The following CDH12 variants were observed in gnomAD, a reference collection of about 807,000 sequenced individuals.
CDH12 encodes the protein cadherin 12, also known as cadherin-12.
CDH12 carries 41 observed loss-of-function variants against 74.1 expected under a neutral mutation model. That is an observed-to-expected ratio of 0.55 (90% CI 0.43 to 0.72). The LOEUF (loss-of-function observed/expected upper bound fraction) is 0.72, where lower values mean the gene tolerates loss of function less well. CDH12 is among the 30% of genes least tolerant of loss of function. The pLI is 0.00. For synonymous variants in CDH12, 399 were observed against 355.0 expected (o/e 1.12, Z -1.39); for missense variants, 945 against 977.2 (o/e 0.97, Z 0.44).
At chr5:22,361,264 C>T (rs1463959271) in intron 3 of CDH12, among the ~76,000 whole-genome samples, 7 of 152,136 alleles carry the variant, frequency 4.6e-5, no homozygotes, top group Non-Finnish European at 7.3e-5. Context: ...GCAAAAATCA[C>T]AAGCATTCTT....
chr5:22,719,981 T>C (rs1373987594), intron 1 of CDH12, among the ~76,000 whole-genome samples: 1 of 151,996 alleles, frequency 6.6e-6, no homozygotes, highest in Non-Finnish European at 1.5e-5. Flanking sequence ...ATGCAATATG[T>C]GTTTGTCTTT....
chr5:22,570,842 T>C (rs1739507236), intron 1 of CDH12, among the ~76,000 whole-genome samples: 2 of 152,178 alleles, frequency 1.3e-5, no homozygotes, highest in African/African-American at 4.8e-5. Flanking sequence ...TATAAGACTG[T>C]TTCATCTACC....
intron 1 of CDH12, among the ~76,000 whole-genome samples, chr5:22,529,180 TATATATATAGAGAGAGAGAGAG>T (rs1413889383): frequency 1.3e-4 from 11 of 86,468 alleles, no homozygotes; most frequent in African/African-American, 3.3e-4. Flanking sequence ...TATATATATA[TATATATATAGAGAGAGAGAGAG>T]AGAGAGAGAG....
chr5:22,391,667 C>G (rs1022253325), intron 3 of CDH12, among the ~76,000 whole-genome samples: 1 of 151,668 alleles, frequency 6.6e-6, no homozygotes, highest in African/African-American at 2.4e-5. Context: ...TTTTTTATGA[C>G]TGATAAAATT....
intron 4 of CDH12, among the ~76,000 whole-genome samples, chr5:22,133,228 T>A (rs1171804880): frequency 6.6e-6 from 1 of 152,166 alleles, no homozygotes; most frequent in Non-Finnish European, 1.5e-5. Context: ...TAGTATCTTA[T>A]AACTAGAAGG....
At chr5:22,317,434 A>G (rs1182796864) in intron 3 of CDH12, among the ~76,000 whole-genome samples, 3 of 152,204 alleles carry the variant, frequency 2.0e-5, no homozygotes, top group Non-Finnish European at 4.4e-5. Flanking sequence ...ACACTCATAT[A>G]TATACATATA....
intron 1 of CDH12, among the ~76,000 whole-genome samples, chr5:22,846,698 C>A (rs1166026752): frequency 1.3e-5 from 2 of 152,104 alleles, no homozygotes; most frequent in Non-Finnish European, 2.9e-5. Flanking sequence ...CAGGTCTGTG[C>A]TTTTGTGATG....
intron 1 of CDH12, among the ~76,000 whole-genome samples, chr5:22,644,676 T>C (rs938271398): frequency 4.0e-5 from 6 of 151,686 alleles, no homozygotes; most frequent in African/African-American, 7.3e-5. Context: ...AGATGACAGA[T>C]TTTCAATGTA....
chr5:22,447,788 A>G (rs575183898), intron 2 of CDH12, among the ~76,000 whole-genome samples: 1 of 152,106 alleles, frequency 6.6e-6, no homozygotes, highest in Admixed American at 6.6e-5. Flanking sequence ...CAACCACAAC[A>G]TATCTGGAAA....
intron 3 of CDH12, among the ~76,000 whole-genome samples, chr5:22,332,150 G>T (rs941930183): frequency 1.3e-5 from 2 of 152,026 alleles, no homozygotes; most frequent in African/African-American, 2.4e-5. Context: ...CAATATCAAA[G>T]CACAAAAAGG....
At chr5:22,578,018 A>G (rs1164494392) in intron 1 of CDH12, among the ~76,000 whole-genome samples, 4 of 152,174 alleles carry the variant, frequency 2.6e-5, no homozygotes, top group African/African-American at 9.7e-5. Flanking sequence ...TATTACTGCA[A>G]CCCAACTAGT....
At chr5:22,441,377 A>G (rs559952067) in intron 2 of CDH12, among the ~76,000 whole-genome samples, 1 of 152,184 alleles carries the variant, frequency 6.6e-6, no homozygotes, top group South Asian at 2.1e-4. Context: ...ATCATTGAAG[A>G]TATTTTTTTT....
At chr5:21,784,624 T>C (rs1239576022) in intron 10 of CDH12, among the ~76,000 whole-genome samples, 2 of 152,182 alleles carry the variant, frequency 1.3e-5, no homozygotes, top group African/African-American at 4.8e-5. Context: ...CATCATTTTA[T>C]TCTAGCCTGG....
chr5:22,354,559 G>A (rs1740484554), intron 3 of CDH12, among the ~76,000 whole-genome samples: 2 of 152,156 alleles, frequency 1.3e-5, no homozygotes, highest in Admixed American at 1.3e-4. Context: ...TGAGACGCCT[G>A]GATGCCAACA....
At chr5:22,750,817 C>T (rs571271797) in intron 1 of CDH12, among the ~76,000 whole-genome samples, 1 of 151,696 alleles carries the variant, frequency 6.6e-6, no homozygotes, top group African/African-American at 2.4e-5. Context: ...ATTTGACACC[C>T]GGATAGGTGG....
chr5:21,974,990 T>C (rs1715767474), intron 6 of CDH12, 101 bp downstream of exon 6: 2 of 808,248 alleles, frequency 2.5e-6, no homozygotes, highest in African/African-American at 1.7e-5. Flanking sequence ...AATTGAAAAA[T>C]ATTCTTTTAG....
intron 1 of CDH12, among the ~76,000 whole-genome samples, chr5:22,664,592 A>G (rs186297896): frequency 1.4e-4 from 22 of 152,318 alleles, no homozygotes; most frequent in Non-Finnish European, 2.9e-4. Context: ...AAGCCTAACT[A>G]TATCAAATGT....
intron 5 of CDH12, among the ~76,000 whole-genome samples, chr5:21,998,483 C>T (rs892415394): frequency 2.0e-5 from 3 of 152,010 alleles, no homozygotes; most frequent in African/African-American, 4.8e-5. Context: ...ACAGAGGACA[C>T]AAATAGTTCC....
intron 8 of CDH12, among the ~76,000 whole-genome samples, chr5:21,819,752 G>A (rs75774432): frequency 0.011 from 1,676 of 152,060 alleles, 28 homozygotes; most frequent in African/African-American, 0.037. Context: ...AAGTATAGTG[G>A]ATTTCAAACT....
Sources: gnomAD v4.1 joint callset for allele counts (sites outside exome capture counted in the v4.1 genomes callset) on GRCh38, gnomAD v4.1.1 for gene constraint, MANE v1.5 for transcripts, NCBI Gene and HGNC (gene_info 2026-07-23, HGNC 2026-07-21) for gene names.